GRID2: variants seen among roughly 807,000 people sequenced by gnomAD.
GRID2 encodes glutamate receptor ionotropic, delta-2.
In GRID2, 33 loss-of-function variants were observed where a neutral mutation model predicts 114.8. That is an observed-to-expected ratio of 0.29 (90% CI 0.22 to 0.38). The LOEUF (loss-of-function observed/expected upper bound fraction) is 0.38, where lower values mean the gene tolerates loss of function less well. Among genes scored for constraint, GRID2 ranks in the 10% least tolerant of loss-of-function variants. GRID2 has a pLI of 1.00. For missense variants in GRID2, 1,184 were observed against 1,257.7 expected, an observed-to-expected ratio of 0.94 and a Z score of 0.89; for synonymous variants, 505 against 449.9, an observed-to-expected ratio of 1.12 and a Z score of -1.55.
intron 1 of GRID2, among the ~76,000 whole-genome samples, chr4:92,455,115 T>G (rs1721140066): frequency 6.6e-6 from 1 of 152,184 alleles, no homozygotes. Flanking sequence ...TACTTTAAAA[T>G]AGAAAAATCC....
At chr4:93,658,849 T>C (rs1723240231) in intron 14 of GRID2, among the ~76,000 whole-genome samples, 1 of 152,192 alleles carries the variant, frequency 6.6e-6, no homozygotes, top group Admixed American at 6.5e-5. Context: ...ACGAAGCAAC[T>C]GAAAAAACTA....
intron 2 of GRID2, among the ~76,000 whole-genome samples, chr4:92,794,383 T>C (rs1476648528): frequency 6.6e-6 from 1 of 151,902 alleles, no homozygotes; most frequent in Non-Finnish European, 1.5e-5. Flanking sequence ...TGTATATACA[T>C]ATATACATGT....
rs557948707 is a variant in GRID2 at position 92,419,583 on chromosome 4, G to A, written c.88+114839G>A. ...CTGGTCTTGTTAGGTGATTGGGCAG[G>A]TTCAAGTGGGAAATAACTTTTTGGA... On this transcript the variant is annotated intron_variant, in intron 1 of 15. Coordinates refer to ENST00000282020, the MANE Select transcript of GRID2 (RefSeq NM_001510.4). Among the ~76,000 whole-genome samples the A allele has an allele frequency of 4.6e-5, 7 of 152,190 alleles. No homozygotes were observed. In the East Asian group the frequency reaches 1.4e-3, roughly 29 times the overall value.
intron 8 of GRID2, among the ~76,000 whole-genome samples, chr4:93,370,552 G>T (rs1762789144): frequency 6.6e-6 from 1 of 151,618 alleles, no homozygotes. Flanking sequence ...ATTGTTCACT[G>T]TTTCTTGAAA....
At chr4:93,701,214 A>G (rs893179579) in intron 14 of GRID2, among the ~76,000 whole-genome samples, 1 of 151,354 alleles carries the variant, frequency 6.6e-6, no homozygotes, top group Admixed American at 6.6e-5. Context: ...TCCATCTTAC[A>G]GGAAAATTGG....
intron 8 of GRID2, among the ~76,000 whole-genome samples, chr4:93,294,762 G>T (rs556984022): frequency 5.3e-5 from 8 of 152,074 alleles, no homozygotes; most frequent in Admixed American, 5.2e-4. Context: ...GTTTTGCCAT[G>T]TTGGCCAGGC....
chr4:92,781,443 C>G (rs1471212962), intron 2 of GRID2, among the ~76,000 whole-genome samples: 2 of 151,874 alleles, frequency 1.3e-5, no homozygotes, highest in East Asian at 3.9e-4. Flanking sequence ...CACTTATTTC[C>G]CATGCAATAT....
At chr4:92,662,741 C>A (rs1450147203) in intron 2 of GRID2, among the ~76,000 whole-genome samples, 2 of 151,064 alleles carry the variant, frequency 1.3e-5, no homozygotes, top group African/African-American at 4.8e-5. Flanking sequence ...TATTCCAAAT[C>A]AATTGTTTTC....
chr4:93,696,764 A>T (rs377310500), intron 14 of GRID2, among the ~76,000 whole-genome samples: 2 of 152,136 alleles, frequency 1.3e-5, no homozygotes, highest in African/African-American at 4.8e-5. Flanking sequence ...TCCTGCTCAA[A>T]TATCAGTTTG....
chr4:93,676,840 G>A (rs1724915909), intron 14 of GRID2, among the ~76,000 whole-genome samples: 1 of 151,866 alleles, frequency 6.6e-6, no homozygotes, highest in Non-Finnish European at 1.5e-5. Context: ...ACAGCTCCTA[G>A]TGTGAGCGAT....
intron 2 of GRID2, among the ~76,000 whole-genome samples, chr4:92,769,077 G>A (rs1738407571): frequency 6.6e-6 from 1 of 152,184 alleles, no homozygotes; most frequent in Non-Finnish European, 1.5e-5. Context: ...ATGAGCCTGT[G>A]AAATTCAAAG....
chr4:93,468,451 G>A (rs1300497982), intron 11 of GRID2, among the ~76,000 whole-genome samples: 1 of 152,144 alleles, frequency 6.6e-6, no homozygotes, highest in African/African-American at 2.4e-5. Flanking sequence ...AGAATTGGAA[G>A]TATGTATGGA....
Position 93,123,442 on chromosome 4 carries a change from A to G in GRID2, c.735+12489A>G, listed in dbSNP as rs557369444. Among the ~76,000 whole-genome samples, 35 of 152,218 alleles carry G rather than the reference A, an allele frequency of 2.3e-4. No homozygotes were observed. In the South Asian group the frequency reaches 2.7e-3, roughly 12 times the overall value. On this transcript the variant is annotated intron_variant, in intron 4 of 15. Coordinates refer to ENST00000282020, the MANE Select transcript of GRID2 (RefSeq NM_001510.4). ...GAAAATTGAAATCCTTCTCTAATCC[A>G]TTTTTCACTTATTCAATTATTCAAA...
chr4:92,775,039 T>C (rs1738723392), intron 2 of GRID2, among the ~76,000 whole-genome samples: 1 of 152,190 alleles, frequency 6.6e-6, no homozygotes, highest in East Asian at 1.9e-4. Flanking sequence ...AGATCCATTT[T>C]GCCTGTAAGA....
chr4:93,619,725 T>C (rs1578414726), intron 13 of GRID2, among the ~76,000 whole-genome samples: 1 of 152,248 alleles, frequency 6.6e-6, no homozygotes, highest in Non-Finnish European at 1.5e-5. Context: ...AATATTCATT[T>C]TTTCCAATGA....
intron 8 of GRID2, among the ~76,000 whole-genome samples, chr4:93,256,556 G>A (rs1749616779): frequency 1.3e-5 from 2 of 151,722 alleles, no homozygotes; most frequent in Admixed American, 1.3e-4. Context: ...AGGAACAAAA[G>A]TCACAGGTTG....
At chr4:93,006,080 C>T (rs576189072) in intron 2 of GRID2, among the ~76,000 whole-genome samples, 1 of 152,050 alleles carries the variant, frequency 6.6e-6, no homozygotes, top group African/African-American at 2.4e-5. Flanking sequence ...AATATCACCT[C>T]TCACAAACAC....
At chr4:92,367,495 G>A (rs1322966192) in intron 1 of GRID2, among the ~76,000 whole-genome samples, 2 of 151,932 alleles carry the variant, frequency 1.3e-5, no homozygotes, top group African/African-American at 4.8e-5. Context: ...GAGGAGGAAT[G>A]AGAGGAAGGG....
chr4:93,319,544 G>A (rs1757010059), intron 8 of GRID2: 1 of 151,968 alleles, frequency 6.6e-6, no homozygotes, highest in Admixed American at 6.6e-5. Context: ...TGCAATTAAG[G>A]TTACTAATTA....
Sources: gnomAD v4.1 joint callset for allele counts (sites outside exome capture counted in the v4.1 genomes callset) on GRCh38, gnomAD v4.1.1 for gene constraint, MANE v1.5 for transcripts, NCBI Gene and HGNC (gene_info 2026-07-23, HGNC 2026-07-21) for gene names.